Variants in WDFY4 observed in about 807,000 individuals in gnomAD.
The protein encoded by WDFY4 is WDFY family member 4.
A neutral mutation model predicts 351.9 loss-of-function variants in WDFY4; 169 were observed. The ratio of observed to expected loss-of-function variants is 0.48; its 90% CI spans 0.42 to 0.55. The LOEUF is 0.55. Ranked by LOEUF, WDFY4 falls within the 20% of genes least tolerant of loss-of-function variation. WDFY4 has a pLI of 0.00. For synonymous variants in WDFY4, 1,622 were observed against 1,574.6 expected (o/e 1.03, Z -0.71); for missense variants, 3,803 against 3,935.6 (o/e 0.97, Z 0.90).
At chr10:48,806,134 C>T in intron 27 of WDFY4, 39 bp downstream of exon 27, 1 of 1,542,178 alleles carries the variant, frequency 6.5e-7, no homozygotes. Context: ...AGTAGGACGG[C>T]CCTCACGGAA....
At chr10:48,790,946 G>A (rs1213516831) in intron 23 of WDFY4, 29 bp downstream of exon 23, 13 of 1,550,174 alleles carry the variant, frequency 8.4e-6, no homozygotes, top group South Asian at 1.2e-5. Context: ...CTGGAACTGA[G>A]ACTCCTGAAA....
intron 39 of WDFY4, among the ~76,000 whole-genome samples, chr10:48,844,500 G>A (rs2068712441): frequency 6.6e-6 from 1 of 152,160 alleles, no homozygotes; most frequent in South Asian, 2.1e-4. Context: ...GCTGAGGCAG[G>A]AGAATTGCTT....
intron 32 of WDFY4, among the ~76,000 whole-genome samples, chr10:48,818,915 G>C (rs1484065755): frequency 6.6e-6 from 1 of 152,210 alleles, no homozygotes; most frequent in Non-Finnish European, 1.5e-5. Context: ...AGAGATCAAG[G>C]GCGAGCCTAC....
intron 13 of WDFY4, among the ~76,000 whole-genome samples, chr10:48,765,986 CT>C (rs1407349047): frequency 2.0e-5 from 3 of 152,174 alleles, no homozygotes; most frequent in Non-Finnish European, 4.4e-5. Context: ...TGGAATTAGT[CT>C]GTATTTCAAA....
At chr10:48,897,022 G>A (rs1351167766) in intron 44 of WDFY4, among the ~76,000 whole-genome samples, 2 of 152,144 alleles carry the variant, frequency 1.3e-5, no homozygotes, top group African/African-American at 4.8e-5. Context: ...GAGGCCACAG[G>A]AACCCACGAG....
intron 43 of WDFY4, among the ~76,000 whole-genome samples, chr10:48,889,938 G>A (rs1335225444): frequency 1.3e-5 from 2 of 152,208 alleles, no homozygotes; most frequent in Non-Finnish European, 2.9e-5. Flanking sequence ...ACTGCCCCTG[G>A]GAAGAGGATG....
chr10:48,941,987 G>A, intron 48 of WDFY4, 139 bp downstream of exon 48: 1 of 894,554 alleles, frequency 1.1e-6, no homozygotes, highest in Non-Finnish European at 1.6e-6. Flanking sequence ...TCTTTGAGAT[G>A]GAGTTTCACT....
At chr10:48,958,921 T>A (rs757281316) in intron 52 of WDFY4, among the ~76,000 whole-genome samples, 21 of 152,294 alleles carry the variant, frequency 1.4e-4, no homozygotes, top group Non-Finnish European at 2.6e-4. Context: ...GGGGAGCTTT[T>A]ATTCCAGCTG....
At position 48,743,046 on chromosome 10, in the gene WDFY4, C is replaced by G. The variant is rs975475822; in HGVS notation, c.1957C>G (p.Leu653Val). 2.6e-6 allele frequency: 4 copies of G among 1,551,690 alleles called. No individual in the cohort carries two copies. Among genetic ancestry groups the G allele is most frequent in the Non-Finnish European group, 3.5e-6 (4 of 1,146,996 alleles). Residue 653 changes from leucine (L) to valine (V), a missense_variant, in exon 12 of 62, where the codon CTG (leucine) becomes GTG (valine). Physicochemically the swap from Leu to Val is conservative, Grantham distance 32 (BLOSUM62 1). Coordinates refer to ENST00000325239, the MANE Select transcript of WDFY4 (RefSeq NM_001394531.1). The stretch of plus-strand genomic sequence containing the variant: ...CAGCGGGTTCAACGGGCTGCTGTCT[C>G]TGCTCTCTGACCTGGAAGGCTCCCT... ...VSSGFNGLLS[L>V]LSDLEGSLQE... is the part of the protein sequence containing the mutation.
rs1462438668 is a variant in WDFY4, at chr10:48,731,419, C to A, written c.1439C>A (p.Pro480Gln). The stretch of plus-strand genomic sequence containing the variant: ...CATCTGATCAAGGAGAGCCCTGGGC[C>A]ATCCTGCACCCTCATGGCCCTGCAG... ...VQHLIKESPG[P>Q]SCTLMALQSI... is the part of the protein sequence containing the mutation. Residue 480 changes from proline (P) to glutamine (Q), a missense_variant, in exon 9 of 62, where the codon CCA (proline) becomes CAA (glutamine). Around this residue, in one of 3 missense-constraint regions of WDFY4, gnomAD observed 261 missense variants for 330.2 expected, o/e 0.79. Transcript: ENST00000325239. The A allele has an allele frequency of 3.2e-6, 5 of 1,551,768 alleles. No homozygotes were observed. Among genetic ancestry groups the A allele is most frequent in the Non-Finnish European group, 4.4e-6 (5 of 1,147,006 alleles).
intron 38 of WDFY4, among the ~76,000 whole-genome samples, chr10:48,831,885 T>A (rs1047679002): frequency 6.6e-5 from 10 of 152,318 alleles, no homozygotes; most frequent in African/African-American, 2.4e-4. Context: ...TCAGCTTTTT[T>A]ATAAGACACT....
intron 10 of WDFY4, among the ~76,000 whole-genome samples, chr10:48,734,545 A>ATATATATATATATATATATATATAT (rs2064584489): frequency 7.7e-6 from 1 of 130,162 alleles, no homozygotes; most frequent in African/African-American, 3.1e-5. Context: ...TATATATATA[A>ATATATATATATATATATATATATAT]TGACATAGAC....
chr10:48,752,521 G>A lies in WDFY4; in HGVS notation c.2460-7826G>A, dbSNP rs1372342261. ...TCAAAACACTTTTATCACCCCAAAAGGAAAACCTATACTCATTCTCATTCT... is the reference window on the plus strand; with the variant it reads ...TCAAAACACTTTTATCACCCCAAAAAGAAAACCTATACTCATTCTCATTCT... On this transcript the variant is annotated intron_variant, in intron 12 of 61. Transcript: ENST00000325239. Among the ~76,000 whole-genome samples the A allele has an allele frequency of 2.0e-5, 3 of 152,292 alleles. No homozygotes were observed. The South Asian group carries it at 6.2e-4, about 32-fold the overall frequency.
chr10:48,772,842 C>T (rs2065913645), intron 13 of WDFY4, among the ~76,000 whole-genome samples: 1 of 151,166 alleles, frequency 6.6e-6, no homozygotes, highest in African/African-American at 2.4e-5. Context: ...TGGTGATTTC[C>T]AATTTCATCC....
Position 48,846,896 on chromosome 10 carries a change from C to T in WDFY4, c.6663+14187C>T, listed in dbSNP as rs1486249694. Among the ~76,000 whole-genome samples, 4 of 152,172 alleles carry T rather than the reference C, an allele frequency of 2.6e-5. No homozygotes were observed. In the East Asian group the frequency reaches 7.7e-4, roughly 29 times the overall value. On this transcript the variant is annotated intron_variant, in intron 39 of 61. Coordinates refer to ENST00000325239, the MANE Select transcript of WDFY4 (RefSeq NM_001394531.1). Reference sequence around the variant, plus strand: ...AGTCCTGACCAGGGTGACCTTTTTGCTCTTCATAAAGCCCGAAGAAGAGAT... The same window carrying T: ...AGTCCTGACCAGGGTGACCTTTTTGTTCTTCATAAAGCCCGAAGAAGAGAT...
intron 1 of WDFY4, among the ~76,000 whole-genome samples, chr10:48,687,280 A>G (rs951694917): frequency 6.6e-5 from 10 of 152,050 alleles, no homozygotes; most frequent in African/African-American, 2.4e-4. Context: ...ATATATAACA[A>G]ATATTTTTCA....
At chr10:48,723,677 C>A (rs2064167257) in intron 5 of WDFY4, 110 bp downstream of exon 5, 2 of 1,416,146 alleles carry the variant, frequency 1.4e-6, no homozygotes, top group African/African-American at 1.4e-5. Flanking sequence ...GGTTCCTGAA[C>A]TCCTCTGTTC....
At chr10:48,755,302 T>A (rs756109863) in intron 12 of WDFY4, among the ~76,000 whole-genome samples, 1 of 152,150 alleles carries the variant, frequency 6.6e-6, no homozygotes, top group East Asian at 1.9e-4. Context: ...TGCAAATGTT[T>A]CCTCCCAGCC....
chr10:48,822,221 G>T (rs1215031502), intron 34 of WDFY4, among the ~76,000 whole-genome samples, 159 bp from the exon 35 acceptor site: 1 of 152,218 alleles, frequency 6.6e-6, no homozygotes, highest in East Asian at 1.9e-4. Context: ...GATTAAATGT[G>T]TGTGTGTTGG....
Sources: allele counts gnomAD v4.1 joint callset (sites outside exome capture counted in the v4.1 genomes callset), GRCh38; gene constraint gnomAD v4.1.1; regional missense constraint gnomAD v4.1.1; transcripts MANE v1.5; gene names NCBI Gene and HGNC (gene_info 2026-07-23, HGNC 2026-07-21).